The following HECW1 variants were observed in gnomAD, a reference collection of about 807,000 sequenced individuals.
HECW1 encodes the protein HECT, C2 and WW domain containing E3 ubiquitin protein ligase 1, also known as E3 ubiquitin-protein ligase HECW1.
Under a neutral mutation model 182.3 loss-of-function variants are expected in HECW1, and 61 were observed. That is an observed-to-expected ratio of 0.33 (90% CI 0.27 to 0.41). HECW1 has a LOEUF of 0.41. HECW1 is among the 10% of genes least tolerant of loss of function. The pLI, the probability that HECW1 is intolerant of heterozygous loss-of-function variation, is 1.00. For missense variants in HECW1, 1,739 were observed against 2,108.9 expected, an observed-to-expected ratio of 0.82 and a Z score of 3.44; for synonymous variants, 859 against 832.6, an observed-to-expected ratio of 1.03 and a Z score of -0.55.
chr7:43,209,360 G>T (rs1189544561), intron 2 of HECW1, among the ~76,000 whole-genome samples: 5 of 152,176 alleles, frequency 3.3e-5, no homozygotes, highest in Non-Finnish European at 5.9e-5. Flanking sequence ...GGGCCTGCGG[G>T]TGTGTGACAC....
chr7:43,479,892 G>A, intron 17 of HECW1, 148 bp downstream of exon 17: 1 of 920,226 alleles, frequency 1.1e-6, no homozygotes, highest in Non-Finnish European at 1.6e-6. Context: ...GTAGAAGAAT[G>A]ATGACCGGGA....
intron 5 of HECW1, among the ~76,000 whole-genome samples, chr7:43,348,596 A>C (rs1003385134): frequency 6.6e-6 from 1 of 151,740 alleles, no homozygotes; most frequent in African/African-American, 2.4e-5. Context: ...ATTCCTTGAG[A>C]TATGACTTAA....
At chr7:43,261,398 C>T (rs1584229851) in intron 3 of HECW1, among the ~76,000 whole-genome samples, 2 of 152,298 alleles carry the variant, frequency 1.3e-5, no homozygotes, top group Middle Eastern at 6.8e-3. Flanking sequence ...ACTTCCATGT[C>T]TTCCTCGTCG....
chr7:43,216,105 G>A (rs1370668105), intron 2 of HECW1, among the ~76,000 whole-genome samples: 1 of 152,120 alleles, frequency 6.6e-6, no homozygotes, highest in African/African-American at 2.4e-5. Flanking sequence ...GATGAAAGCT[G>A]AGTCTGGTGA....
intron 24 of HECW1, among the ~76,000 whole-genome samples, chr7:43,523,849 G>A (rs528899722): frequency 5.3e-5 from 8 of 152,200 alleles, no homozygotes; most frequent in Admixed American, 6.5e-5. Flanking sequence ...GCCTGCAGGC[G>A]GTGGTGTGAG....
In HECW1 at chr7:43,114,375, C is replaced by T. The variant is rs1293480194; in HGVS notation, c.-48C>T. The T allele has an allele frequency of 3.0e-5, 40 of 1,351,592 alleles. 1 individual carries two copies. Among genetic ancestry groups the T allele is most frequent in the Non-Finnish European group, 3.3e-5 (34 of 1,026,776 alleles). The allele number at this position is 1,351,592 out of a possible 1,614,324, so 83.7% of individuals were successfully genotyped here. A position where few individuals can be genotyped will look rare whatever the true frequency, so the allele number is the denominator to read the frequency against. ...GCGTTTCTCATCAGCAGACTCACTC[C>T]GGCTGTGGCTATTACGGTAATTCAT... On this transcript the variant is annotated 5_prime_UTR_variant, in exon 2 of 30. Transcript: ENST00000395891.
In HECW1 at chr7:43,444,804, G is replaced by A. The variant is rs768142577; in HGVS notation, c.1632G>A (p.Thr544=). 3 of 1,614,066 alleles carry A rather than the reference G, an allele frequency of 1.9e-6. No individual in the cohort carries two copies. The highest frequency in any genetic ancestry group is 1.1e-5 in the South Asian group (1 of 91,078). Residue 544 remains threonine (T), a synonymous_variant, in exon 11 of 30, where the codon ACG becomes ACA. Coordinates refer to ENST00000395891, the MANE Select transcript of HECW1 (RefSeq NM_015052.5). The surrounding 1 kb of genome is among the most constrained non-coding windows in gnomAD (Gnocchi z 4.3). ...PCSLPVSELE[T]VIASACGDPE... is the part of the protein sequence containing the mutation. Reference sequence around the variant, plus strand: ...CCTTGCCTGTGTCCGAGCTGGAGACGGTGATCGCGTCAGCCTGCGGGGACC... The same window carrying A: ...CCTTGCCTGTGTCCGAGCTGGAGACAGTGATCGCGTCAGCCTGCGGGGACC...
chr7:43,198,851 G>A (rs1307159787), intron 2 of HECW1, among the ~76,000 whole-genome samples: 1 of 152,180 alleles, frequency 6.6e-6, no homozygotes, highest in Non-Finnish European at 1.5e-5. Context: ...GGCTGGCCAT[G>A]TTCTTCTCCC....
At chr7:43,400,840 T>C (rs2075380654) in intron 7 of HECW1, among the ~76,000 whole-genome samples, 1 of 152,218 alleles carries the variant, frequency 6.6e-6, no homozygotes, top group Non-Finnish European at 1.5e-5. Flanking sequence ...AATCAAGCTG[T>C]CAGCCAGGCT....
intron 5 of HECW1, among the ~76,000 whole-genome samples, chr7:43,333,925 C>G (rs1021237473): frequency 3.9e-5 from 6 of 152,232 alleles, no homozygotes; most frequent in African/African-American, 1.2e-4. Context: ...GCCCAATCCA[C>G]ACTGGGAATC....
intron 13 of HECW1, among the ~76,000 whole-genome samples, chr7:43,462,920 C>A (rs2077637960): frequency 6.6e-6 from 1 of 152,230 alleles, no homozygotes; most frequent in Admixed American, 6.5e-5. Flanking sequence ...TCTGTGACAG[C>A]CTTTCACCTG....
chr7:43,462,319 C>A (rs959938565), intron 13 of HECW1, among the ~76,000 whole-genome samples: 1 of 152,086 alleles, frequency 6.6e-6, no homozygotes, highest in African/African-American at 2.4e-5. Flanking sequence ...AGCTCCTCTC[C>A]TCCAGTGCAT....
At chr7:43,253,349 G>T (rs916894628) in intron 3 of HECW1, among the ~76,000 whole-genome samples, 2 of 152,182 alleles carry the variant, frequency 1.3e-5, no homozygotes, top group African/African-American at 4.8e-5. Context: ...GATGATGACG[G>T]TGATGACCAT....
chr7:43,451,840 C>T (rs776982642), intron 12 of HECW1, among the ~76,000 whole-genome samples: 4 of 152,148 alleles, frequency 2.6e-5, no homozygotes, highest in Non-Finnish European at 4.4e-5. Flanking sequence ...TTTACAACTA[C>T]GAAATCTTTC....
intron 24 of HECW1, among the ~76,000 whole-genome samples, chr7:43,533,635 C>A (rs2081071874): frequency 6.6e-6 from 1 of 152,112 alleles, no homozygotes; most frequent in Admixed American, 6.5e-5. Context: ...TAGAAGAGGC[C>A]TTTATAGACT....
intron 2 of HECW1, among the ~76,000 whole-genome samples, chr7:43,128,010 C>T (rs541266135): frequency 2.6e-5 from 4 of 152,072 alleles, no homozygotes; most frequent in Admixed American, 2.6e-4. Flanking sequence ...TCCTGAGTAG[C>T]AGGAACAACA....
At chr7:43,498,049 T>C (rs2079184968) in intron 19 of HECW1, among the ~76,000 whole-genome samples, 1 of 152,212 alleles carries the variant, frequency 6.6e-6, no homozygotes, top group Non-Finnish European at 1.5e-5. Flanking sequence ...CTGGCATTCT[T>C]GCCCTTAGAT....
intron 21 of HECW1, among the ~76,000 whole-genome samples, chr7:43,502,997 TC>T (rs1252700928): frequency 5.3e-5 from 8 of 152,150 alleles, no homozygotes; most frequent in African/African-American, 1.9e-4. Flanking sequence ...CTGCCGTAGG[TC>T]TCCAGACTAG....
At chr7:43,240,396 T>C (rs940926475) in intron 2 of HECW1, among the ~76,000 whole-genome samples, 1 of 152,222 alleles carries the variant, frequency 6.6e-6, no homozygotes, top group African/African-American at 2.4e-5. Flanking sequence ...TTTTATGTAT[T>C]CCACCCATGA....
Sources: gnomAD v4.1 joint callset for allele counts (sites outside exome capture counted in the v4.1 genomes callset) on GRCh38, gnomAD v4.1.1 for gene constraint, Gnocchi (gnomAD v3.1) non-coding constraint, MANE v1.5 for transcripts, NCBI Gene and HGNC (gene_info 2026-07-23, HGNC 2026-07-21) for gene names.